RPRD1A: variants seen among roughly 807,000 people sequenced by gnomAD.
RPRD1A encodes the protein regulation of nuclear pre-mRNA domain containing 1A, also known as regulation of nuclear pre-mRNA domain-containing protein 1A.
In RPRD1A, 9 loss-of-function variants were observed where a neutral mutation model predicts 37.8. The observed-to-expected ratio is 0.24, with a 90% CI of 0.14 to 0.42. RPRD1A has a LOEUF of 0.42. Among genes scored for constraint, RPRD1A ranks in the 10% least tolerant of loss-of-function variants. The pLI is 1.00. For missense variants in RPRD1A, 255 were observed against 371.0 expected (o/e 0.69, Z 2.57); for synonymous variants, 138 against 139.7 (o/e 0.99, Z 0.08).
At chr18:35,999,894 A>C (rs1009181183) in intron 6 of RPRD1A, among the ~76,000 whole-genome samples, 2 of 152,208 alleles carry the variant, frequency 1.3e-5, no homozygotes, top group African/African-American at 4.8e-5. Flanking sequence ...TTCTTAAGCC[A>C]CTGCCTTCAA....
intron 6 of RPRD1A, among the ~76,000 whole-genome samples, chr18:36,023,166 G>A (rs1911126870): frequency 6.6e-6 from 1 of 152,204 alleles, no homozygotes; most frequent in African/African-American, 2.4e-5. Context: ...TTCCTGTGAT[G>A]AATATCGGCA....
intron 6 of RPRD1A, among the ~76,000 whole-genome samples, chr18:36,009,056 AT>A (rs11419878): frequency 1.7e-4 from 26 of 150,206 alleles, no homozygotes; most frequent in Admixed American, 4.0e-4. Context: ...CATTACTATA[AT>A]TTTTTTTTTG....
chr18:36,053,797 G>C (rs1442147514), intron 1 of RPRD1A, among the ~76,000 whole-genome samples: 1 of 152,132 alleles, frequency 6.6e-6, no homozygotes, highest in Non-Finnish European at 1.5e-5. Context: ...CTACAAGAAT[G>C]TTAGTAAATA....
chr18:36,008,938 T>C (rs1276750983), intron 6 of RPRD1A, among the ~76,000 whole-genome samples: 1 of 152,124 alleles, frequency 6.6e-6, no homozygotes, highest in African/African-American at 2.4e-5. Context: ...GTGAAGATAC[T>C]CTCAGCACAC....
chr18:36,029,810 C>G (rs1568132512), intron 4 of RPRD1A, among the ~76,000 whole-genome samples: 1 of 145,218 alleles, frequency 6.9e-6, no homozygotes, highest in Non-Finnish European at 1.5e-5. Flanking sequence ...TCTAACACTA[C>G]TTTTTTTTTT....
chr18:36,009,104 GCTTT>G (rs147666277), intron 6 of RPRD1A, among the ~76,000 whole-genome samples: 9 of 152,030 alleles, frequency 5.9e-5, no homozygotes, highest in Non-Finnish European at 1.2e-4. Context: ...TTCCCTTTGA[GCTTT>G]CTTTCTTATG....
Position 35,993,231 on chromosome 18 carries a change from G to A in RPRD1A, c.859C>T (p.Pro287Ser). The A allele has an allele frequency of 6.2e-7, 1 of 1,614,162 alleles. No individual in the cohort carries two copies. Among genetic ancestry groups the A allele is most frequent in the South Asian group, 1.1e-5 (1 of 91,082 alleles). The change falls in exon 7 of 7, where the codon CCA becomes TCA. Residue 287 changes from proline to serine, a missense_variant. This residue lies in a region of RPRD1A where 211 missense variants were observed against 268.9 expected (regional missense o/e 0.78). Coordinates refer to ENST00000399022, the MANE Select transcript of RPRD1A (RefSeq NM_018170.5). Reference sequence around the variant, plus strand: ...ACATTGGGCAATCGAGATAAGTCTGGCAGGCTCTGGATCCGGGACCTGAGT... The same window carrying A: ...ACATTGGGCAATCGAGATAAGTCTGACAGGCTCTGGATCCGGGACCTGAGT... Reference protein sequence around the residue: ...KELRSRIQSLPDLSRLPNVTG... With the variant: ...KELRSRIQSLSDLSRLPNVTG...
chr18:36,049,601 A>C (rs1249058220), intron 1 of RPRD1A, among the ~76,000 whole-genome samples: 1 of 152,214 alleles, frequency 6.6e-6, no homozygotes, highest in Admixed American at 6.5e-5. Flanking sequence ...CACTTAGCAT[A>C]ATGTTTTTGA....
At chr18:36,029,877 T>C (rs557496695) in intron 4 of RPRD1A, among the ~76,000 whole-genome samples, 9 of 151,426 alleles carry the variant, frequency 5.9e-5, no homozygotes, top group Admixed American at 2.6e-4. Context: ...GCTATCTCGG[T>C]TCACTGCAAG....
intron 6 of RPRD1A, among the ~76,000 whole-genome samples, chr18:36,010,768 A>G (rs1910128833): frequency 1.3e-5 from 2 of 152,200 alleles, no homozygotes; most frequent in Non-Finnish European, 2.9e-5. Flanking sequence ...AGAAATCATG[A>G]AGAAGTGCCA....
intron 6 of RPRD1A, among the ~76,000 whole-genome samples, chr18:36,005,298 C>A (rs576542980): frequency 6.6e-6 from 1 of 151,178 alleles, no homozygotes; most frequent in Non-Finnish European, 1.5e-5. Context: ...GAGACTCTGT[C>A]TCAAAAAAAA....
intron 1 of RPRD1A, among the ~76,000 whole-genome samples, chr18:36,048,953 G>C (rs1025246973): frequency 1.3e-5 from 2 of 152,226 alleles, no homozygotes; most frequent in Non-Finnish European, 2.9e-5. Context: ...ACAGGCTGGA[G>C]TGCAGTGGCA....
At chr18:36,031,908 C>T (rs1205623362) in intron 2 of RPRD1A, among the ~76,000 whole-genome samples, 1 of 152,212 alleles carries the variant, frequency 6.6e-6, no homozygotes, top group Non-Finnish European at 1.5e-5. Context: ...GGCAGTCCCT[C>T]AGTACACACT....
At chr18:36,045,622 C>T (rs1283132935) in intron 1 of RPRD1A, among the ~76,000 whole-genome samples, 2 of 152,208 alleles carry the variant, frequency 1.3e-5, no homozygotes, top group East Asian at 3.8e-4. Context: ...AGCTCTATCA[C>T]ACCTAATAAA....
chr18:36,032,367 C>T (rs540646996), intron 2 of RPRD1A, among the ~76,000 whole-genome samples: 43 of 152,162 alleles, frequency 2.8e-4, no homozygotes, highest in Non-Finnish European at 4.6e-4. Flanking sequence ...AGACTTAAGG[C>T]GGAAAGAACT....
At chr18:36,018,447 C>T (rs1910757047) in intron 6 of RPRD1A, among the ~76,000 whole-genome samples, 1 of 151,878 alleles carries the variant, frequency 6.6e-6, no homozygotes, top group Non-Finnish European at 1.5e-5. Context: ...CTAATTTTTT[C>T]TATTTTTAGT....
intron 6 of RPRD1A, among the ~76,000 whole-genome samples, chr18:36,017,484 G>A (rs1910668792): frequency 6.6e-6 from 1 of 152,032 alleles, no homozygotes; most frequent in African/African-American, 2.4e-5. Context: ...TCTTCCCTTT[G>A]GCCTGTTATC....
chr18:36,026,866 T>C, intron 6 of RPRD1A, 34 bp downstream of exon 6: 1 of 1,551,594 alleles, frequency 6.4e-7, no homozygotes, highest in Non-Finnish European at 8.7e-7. Context: ...GAGAATTAAA[T>C]AAATAAGCAC....
chr18:36,004,000 C>CTTTTTTTT (rs34397005), intron 6 of RPRD1A, among the ~76,000 whole-genome samples: 5 of 85,176 alleles, frequency 5.9e-5, no homozygotes, highest in African/African-American at 1.0e-4. Context: ...CAGACACAGA[C>CTTTTTTTT]TTTTTTTTTT....
Sources: gnomAD v4.1 joint callset for allele counts (sites outside exome capture counted in the v4.1 genomes callset) on GRCh38, gnomAD v4.1.1 for gene constraint, gnomAD v4.1.1 regional missense constraint, MANE v1.5 for transcripts, NCBI Gene and HGNC (gene_info 2026-07-23, HGNC 2026-07-21) for gene names.